The following CDK13 variants were observed in gnomAD, a reference collection of about 807,000 sequenced individuals.
CDK13 encodes cyclin dependent kinase 13.
CDK13 carries 40 observed loss-of-function variants against 137.6 expected under a neutral mutation model. That is an observed-to-expected ratio of 0.29 (90% CI 0.23 to 0.38). The LOEUF is 0.38. Among genes scored for constraint, CDK13 ranks in the 10% least tolerant of loss-of-function variants. The pLI, the probability that CDK13 is intolerant of heterozygous loss-of-function variation, is 1.00. For synonymous variants in CDK13, 869 were observed against 760.1 expected (o/e 1.14, Z -2.36); for missense variants, 1,704 against 1,951.8 (o/e 0.87, Z 2.39).
At chr7:40,082,391 G>A (rs892816902) in intron 11 of CDK13, among the ~76,000 whole-genome samples, 1 of 149,928 alleles carries the variant, frequency 6.7e-6, no homozygotes, top group Non-Finnish European at 1.5e-5. Flanking sequence ...GGAGGCTGAG[G>A]CAGAGAACTG....
At position 40,089,453 on chromosome 7, in the gene CDK13, AAG is replaced by A. The variant is rs1285942304; in HGVS notation, c.3235+1123_3235+1124del. 2.0e-5 allele frequency among the ~76,000 whole-genome samples: 3 copies of A among 150,260 alleles called. No individual in the cohort carries two copies. In the East Asian group the frequency reaches 5.8e-4, roughly 29 times the overall value. On this transcript the variant is annotated intron_variant, in intron 12 of 13. Coordinates refer to ENST00000181839, the MANE Select transcript of CDK13 (RefSeq NM_003718.5). ...AGACTGTCTCAAAAAAAAAAAAAAA[AAG>A]GATATCTTATATCTAGTTATTTTAG... is the stretch of plus-strand genomic sequence containing the variant.
intron 1 of CDK13, among the ~76,000 whole-genome samples, chr7:39,972,389 T>C (rs1784018803): frequency 6.6e-6 from 1 of 152,392 alleles, no homozygotes; most frequent in East Asian, 1.9e-4. Context: ...CTTTAGTCTC[T>C]TCATAGCTTT....
intron 5 of CDK13, among the ~76,000 whole-genome samples, chr7:40,040,801 T>A (rs1785588673): frequency 6.6e-6 from 1 of 152,210 alleles, no homozygotes; most frequent in Non-Finnish European, 1.5e-5. Context: ...TATGTAATAT[T>A]CTACTTTTTT....
At chr7:40,092,618 TAA>T in intron 12 of CDK13, 165 bp from the exon 13 acceptor site, 3 of 588,070 alleles carry the variant, frequency 5.1e-6, no homozygotes, top group Non-Finnish European at 9.0e-6. Flanking sequence ...AGGTACATTT[TAA>T]ATGTACATGA....
Position 39,970,205 on chromosome 7 carries a change from A to G in CDK13, c.1212-17394A>G, listed in dbSNP as rs560294705. On this transcript the variant is annotated intron_variant, in intron 1 of 13. Coordinates refer to ENST00000181839, the MANE Select transcript of CDK13 (RefSeq NM_003718.5). ...TTTTTAGTAGAGACAGGGTTTCACC[A>G]TGTTGGCCAGGCTGGTCTCAAACTC... Among the ~76,000 whole-genome samples the G allele has an allele frequency of 6.0e-5, 9 of 151,036 alleles. 1 individual carries two copies. The highest frequency in any genetic ancestry group is 4.2e-4 in the South Asian group (2 of 4,748).
chr7:40,016,802 C>CAA (rs1482083044), intron 5 of CDK13, among the ~76,000 whole-genome samples: 1 of 152,036 alleles, frequency 6.6e-6, no homozygotes, highest in Non-Finnish European at 1.5e-5. Context: ...TTAAACGATA[C>CAA]AAACTTTTTA....
chr7:39,980,245 T>C (rs1310463589), intron 1 of CDK13, among the ~76,000 whole-genome samples: 1 of 151,944 alleles, frequency 6.6e-6, no homozygotes, highest in Non-Finnish European at 1.5e-5. Flanking sequence ...GAGTGGAGAG[T>C]AGTGAAATTA....
intron 2 of CDK13, among the ~76,000 whole-genome samples, chr7:39,995,175 A>C (rs1784535434): frequency 6.6e-6 from 1 of 152,130 alleles, no homozygotes; most frequent in Non-Finnish European, 1.5e-5. Context: ...ATTATTGCAA[A>C]TATTCAATAA....
chr7:40,094,050 C>A lies in CDK13; in HGVS notation c.3689-80C>A, dbSNP rs17496791. ...GAACTTCTAATCATCTTTAGAACTA[C>A]CTACAGGAAACACTGAGTATTTTGA... On this transcript the variant is annotated intron_variant, in intron 13 of 13. Transcript: ENST00000181839. 2.7e-6 allele frequency: 4 copies of A among 1,488,172 alleles called. No homozygotes were observed. The East Asian group carries it at 9.1e-5, about 34-fold the overall frequency. The allele number at this position is 1,488,172 out of a possible 1,614,324, so 92.2% of individuals were successfully genotyped here.
intron 2 of CDK13, among the ~76,000 whole-genome samples, chr7:39,989,986 A>G (rs1358233938): frequency 6.6e-6 from 1 of 151,910 alleles, no homozygotes; most frequent in Admixed American, 6.6e-5. Context: ...GGGCTTCACC[A>G]TGTTAGCCAG....
chr7:40,047,821 A>G lies in CDK13; in HGVS notation c.2544A>G (p.Arg848=). 1 of 1,605,838 alleles carries G rather than the reference A, an allele frequency of 6.2e-7. No individual in the cohort carries two copies. Among genetic ancestry groups the G allele is most frequent in the South Asian group, 1.1e-5 (1 of 90,878 alleles). The stretch of plus-strand genomic sequence containing the variant: ...GTTCATTTTGTCTTATTTCCACCAG[A>G]GGGCAGATAAAACTTGCAGACTTTG... ...IKCSNILLNN[R]GQIKLADFGL... The change falls in exon 7 of 14, where the codon AGA becomes AGG. Residue 848 remains arginine (R), a splice_region_variant and synonymous_variant. Coordinates refer to ENST00000181839, the MANE Select transcript of CDK13 (RefSeq NM_003718.5).
chr7:40,090,066 A>G (rs1786887809), intron 12 of CDK13, among the ~76,000 whole-genome samples: 2 of 152,200 alleles, frequency 1.3e-5, no homozygotes, highest in Admixed American at 1.3e-4. Context: ...CCCCTTATAC[A>G]TTAAAATATT....
chr7:39,953,231 A>G (rs1787293796), intron 1 of CDK13, among the ~76,000 whole-genome samples: 1 of 152,248 alleles, frequency 6.6e-6, no homozygotes, highest in African/African-American at 2.4e-5. Flanking sequence ...GTGTTGAAGC[A>G]TACTTAAAAT....
At chr7:39,983,490 G>C (rs367861510) in intron 1 of CDK13, among the ~76,000 whole-genome samples, 3 of 152,212 alleles carry the variant, frequency 2.0e-5, no homozygotes, top group East Asian at 3.8e-4. Flanking sequence ...CTGTCTAAAA[G>C]AGATTAATAG....
At chr7:40,056,962 T>G (rs1033419155) in intron 7 of CDK13, among the ~76,000 whole-genome samples, 9 of 152,158 alleles carry the variant, frequency 5.9e-5, no homozygotes, top group Non-Finnish European at 1.3e-4. Flanking sequence ...CACTTAATAA[T>G]CTTGAGTGGT....
chr7:40,003,153 T>TAC (rs71560157), intron 5 of CDK13, among the ~76,000 whole-genome samples: 1,842 of 119,740 alleles, frequency 0.015, 11 homozygotes, highest in Non-Finnish European at 0.019. Context: ...CTTCCCCAGC[T>TAC]ACACACACAC....
intron 5 of CDK13, among the ~76,000 whole-genome samples, chr7:40,029,650 CTTTTT>C (rs59621828): frequency 6.8e-6 from 1 of 146,312 alleles, no homozygotes; most frequent in African/African-American, 2.5e-5. Flanking sequence ...AGAAAAGATT[CTTTTT>C]TTTTTTCTTT....
At chr7:40,001,095 A>AG (rs986379189) in intron 4 of CDK13, among the ~76,000 whole-genome samples, 4 of 151,766 alleles carry the variant, frequency 2.6e-5, no homozygotes, top group Admixed American at 1.3e-4. Context: ...TCACTGATAG[A>AG]GTTTTTCTTC....
intron 5 of CDK13, among the ~76,000 whole-genome samples, chr7:40,035,257 G>T (rs576728946): frequency 1.4e-4 from 22 of 152,218 alleles, no homozygotes; most frequent in African/African-American, 5.1e-4. Flanking sequence ...AAAAATGCAG[G>T]TCATGACCTA....
Sources: gnomAD v4.1 joint callset for allele counts (sites outside exome capture counted in the v4.1 genomes callset) on GRCh38, gnomAD v4.1.1 for gene constraint, MANE v1.5 for transcripts, NCBI Gene and HGNC (gene_info 2026-07-23, HGNC 2026-07-21) for gene names.